The following SERPINE3 variants were observed in gnomAD, a reference collection of about 807,000 sequenced individuals.
SERPINE3 encodes serpin family E member 3, also known as serpin E3.
SERPINE3 carries 43 observed loss-of-function variants against 41.7 expected under a neutral mutation model. That is an observed-to-expected ratio of 1.03 (90% CI 0.81 to 1.33). The LOEUF (loss-of-function observed/expected upper bound fraction) is 1.33. Among genes scored for constraint, SERPINE3 ranks in the 40% most tolerant of loss-of-function variants. The pLI is 0.00. For missense variants in SERPINE3, 440 were observed against 491.7 expected (o/e 0.89, Z 0.99); for synonymous variants, 200 against 192.2 (o/e 1.04, Z -0.34).
At chr13:51,357,673 C>G (rs151183359) in intron 7 of SERPINE3, among the ~76,000 whole-genome samples, 9 of 152,112 alleles carry the variant, frequency 5.9e-5, no homozygotes, top group Admixed American at 1.3e-4. Context: ...TAGTTCCCCC[C>G]CAGTCTCCTT....
Position 51,344,364 on chromosome 13 carries a change from GTC to G in SERPINE3, c.370_371del (p.Ser124ProfsTer12). 6.2e-7 allele frequency: 1 copy of G among 1,613,690 alleles called. No individual in the cohort carries two copies. The highest frequency in any genetic ancestry group is 8.5e-7 in the Non-Finnish European group (1 of 1,179,758). The part of the protein sequence containing the change: ...SLFVQVGTPL[S>X]PCFVEHVSWW... ...TTTTTGTGCAAGTGGGAACGCCACTGTCCCCCTGCTTTGTGGAGCACGTCTCC... is the reference window on the plus strand; with the variant it reads ...TTTTTGTGCAAGTGGGAACGCCACTGCCCCTGCTTTGTGGAGCACGTCTCC... On this transcript the variant is annotated frameshift_variant, in exon 4 of 10. Transcript: ENST00000681248. LOFTEE classifies it high-confidence loss of function.
Position 51,364,491 on chromosome 13 carries a change from T to G in SERPINE3, c.*209T>G. The G allele has an allele frequency of 2.2e-6, 1 of 459,876 alleles. No homozygotes were observed. Among genetic ancestry groups the G allele is most frequent in the Non-Finnish European group, 3.8e-6 (1 of 260,608 alleles). The allele number at this position is 459,876 out of a possible 1,614,324, so 28.5% of individuals were successfully genotyped here. A position where few individuals can be genotyped will look rare whatever the true frequency, so the allele number is the denominator to read the frequency against. On this transcript the variant is annotated 3_prime_UTR_variant, in exon 10 of 10. Coordinates refer to ENST00000681248, the MANE Select transcript of SERPINE3 (RefSeq NM_001386375.1). ...AATCCAAATCTATTTTGACCTTCTTTTCTACTGCTTACCCCCCAAACCACT... is the reference window on the plus strand; with the variant it reads ...AATCCAAATCTATTTTGACCTTCTTGTCTACTGCTTACCCCCCAAACCACT...
intron 2 of SERPINE3, 57 bp downstream of exon 2, chr13:51,340,918 G>A: frequency 1.5e-6 from 1 of 651,556 alleles, no homozygotes; most frequent in Non-Finnish European, 2.6e-6. Context: ...AGACGGCTGG[G>A]CCTCAGGGTA....
At chr13:51,341,739 G>T (rs973538066) in intron 3 of SERPINE3, among the ~76,000 whole-genome samples, 4 of 152,128 alleles carry the variant, frequency 2.6e-5, no homozygotes, top group African/African-American at 9.7e-5. Flanking sequence ...AACATTAATT[G>T]AATTAATTGT....
chr13:51,363,859 G>GA (rs1305057879), intron 9 of SERPINE3: 1 of 155,022 alleles, frequency 6.5e-6, no homozygotes, highest in East Asian at 1.9e-4. Context: ...GGTTCATTCA[G>GA]AAAAATGTAT....
chr13:51,349,338 T>A (rs1955383438), intron 6 of SERPINE3, among the ~76,000 whole-genome samples: 1 of 152,160 alleles, frequency 6.6e-6, no homozygotes, highest in African/African-American at 2.4e-5. Flanking sequence ...TAAAGTGAGA[T>A]CTGGCATAAC....
At position 51,347,221 on chromosome 13, in the gene SERPINE3, C is replaced by T. The variant is rs777522693; in HGVS notation, c.687C>T (p.Thr229=). ...VLQVPMMHQT[T]EVNYGQFQDT... ...AGGTCCCCATGATGCACCAAACGAC[C>T]GAGGTCAACTACGGTGAGCTCTGCC... Residue 229 remains threonine, a synonymous_variant, in exon 5 of 10, where the codon ACC becomes ACT. Transcript: ENST00000681248. The T allele has an allele frequency of 1.2e-5, 19 of 1,613,618 alleles. No homozygotes were observed. The highest frequency in any genetic ancestry group is 2.7e-5 in the African/African-American group (2 of 75,030).
intron 5 of SERPINE3, 32 bp from the exon 6 acceptor site, chr13:51,348,181 C>T: frequency 1.3e-6 from 2 of 1,515,872 alleles, no homozygotes; most frequent in South Asian, 1.2e-5. Context: ...GCTCCTGGGA[C>T]AGAGCTGACC....
Position 51,348,313 on chromosome 13 carries a change from C to T in SERPINE3, c.801C>T (p.Asp267=). 1.2e-6 allele frequency: 2 copies of T among 1,613,664 alleles called. No individual in the cohort carries two copies. Among genetic ancestry groups the T allele is most frequent in the Non-Finnish European group, 1.7e-6 (2 of 1,179,780 alleles). The change falls in exon 6 of 10, where the codon GAC becomes GAT. Residue 267 remains aspartate, a synonymous_variant. Transcript: ENST00000681248. The part of the protein sequence containing the change: ...SLFLVLPRDK[D]TPLSHIEPHL... ...TCCTGGTGCTGCCCCGTGACAAAGA[C>T]ACCCCCCTGAGCCACATCGAGCCAC...
chr13:51,350,108 G>T (rs1041953803), intron 6 of SERPINE3, among the ~76,000 whole-genome samples: 1 of 152,136 alleles, frequency 6.6e-6, no homozygotes, highest in Non-Finnish European at 1.5e-5. Flanking sequence ...TTGCTCTGCA[G>T]TCAGCAGGCA....
At chr13:51,363,899 A>G (rs538528639) in intron 9 of SERPINE3, 14 of 167,646 alleles carry the variant, frequency 8.4e-5, no homozygotes, top group Non-Finnish European at 1.8e-4. Context: ...GTGAAACAGA[A>G]AATAAAACTT....
chr13:51,361,518 A>C, intron 8 of SERPINE3, 154 bp downstream of exon 8: 1 of 613,460 alleles, frequency 1.6e-6, no homozygotes, highest in Non-Finnish European at 2.8e-6. Context: ...GAAAACAAAA[A>C]GTTTTTGAAA....
intron 7 of SERPINE3, among the ~76,000 whole-genome samples, chr13:51,357,288 C>G (rs1955494767): frequency 6.6e-6 from 1 of 152,172 alleles, no homozygotes; most frequent in Admixed American, 6.6e-5. Context: ...CAAATCTCTC[C>G]AACAAATAGT....
chr13:51,350,366 GTGTTAAGGGTTGT>G (rs1955392705), intron 6 of SERPINE3, among the ~76,000 whole-genome samples: 1 of 152,134 alleles, frequency 6.6e-6, no homozygotes, highest in East Asian at 1.9e-4. Context: ...AACCAAGAAT[GTGTTAAGGGTTGT>G]TTATAACCAC....
Position 51,361,791 on chromosome 13 carries a change from TTTTC to T in SERPINE3, c.1088-10_1088-7del, listed in dbSNP as rs1955582119. On this transcript the variant is annotated splice_polypyrimidine_tract_variant and intron_variant, in intron 8 of 9. Coordinates refer to ENST00000681248, the MANE Select transcript of SERPINE3 (RefSeq NM_001386375.1). ...AAATGCACAGAAAATGCAATGGAAT[TTTTC>T]TTTCTTTCCTGCAGCTCTGTTGTTA... is the stretch of plus-strand genomic sequence containing the variant. 4 of 1,567,526 alleles carry T rather than the reference TTTTC, an allele frequency of 2.6e-6. No individual in the cohort carries two copies. The highest frequency in any genetic ancestry group is 2.6e-6 in the Non-Finnish European group (3 of 1,161,976).
Position 51,364,238 on chromosome 13 carries a change from G to C in SERPINE3, c.1172-1G>C. On this transcript the variant is annotated splice_acceptor_variant, in intron 9 of 9. Transcript: ENST00000681248. LOFTEE classifies it high-confidence loss of function. Reference sequence around the variant, plus strand: ...TATTAAATTCTTCTTTTTCTTGACAGGGTTTGTCTTCAGTATTGGGAGAGT... The same window carrying C: ...TATTAAATTCTTCTTTTTCTTGACACGGTTTGTCTTCAGTATTGGGAGAGT... 1 of 1,429,048 alleles carries C rather than the reference G, an allele frequency of 7.0e-7. No homozygotes were observed. Among genetic ancestry groups the C allele is most frequent in the African/African-American group, 1.4e-5 (1 of 70,226 alleles). The allele number at this position is 1,429,048 out of a possible 1,614,324, so 88.5% of individuals were successfully genotyped here. A position where few individuals can be genotyped will look rare whatever the true frequency, so the allele number is the denominator to read the frequency against.
At position 51,341,885 on chromosome 13, in the gene SERPINE3, C is replaced by A. The variant is rs138121085; in HGVS notation, c.256+538C>A. Reference sequence around the variant, plus strand: ...GACAGAGTTGGGACTCAAGCCCAGGCTGCCTGGTTTAAGAGCCCATGCTTT... The same window carrying A: ...GACAGAGTTGGGACTCAAGCCCAGGATGCCTGGTTTAAGAGCCCATGCTTT... On this transcript the variant is annotated intron_variant, in intron 3 of 9. Transcript: ENST00000681248. 1.0e-3 allele frequency among the ~76,000 whole-genome samples: 154 copies of A among 152,332 alleles called. No homozygotes were observed. In the East Asian group the frequency reaches 0.022, roughly 22 times the overall value.
intron 3 of SERPINE3, among the ~76,000 whole-genome samples, chr13:51,343,432 T>A (rs1345537071): frequency 1.3e-5 from 2 of 152,198 alleles, no homozygotes; most frequent in African/African-American, 4.8e-5. Flanking sequence ...GGACAGAAGC[T>A]GCAGCTTGTG....
chr13:51,347,564 C>T (rs1955360044), intron 5 of SERPINE3, among the ~76,000 whole-genome samples: 1 of 152,180 alleles, frequency 6.6e-6, no homozygotes, highest in Non-Finnish European at 1.5e-5. Flanking sequence ...ATGGCTGCTC[C>T]TTTAAGATCG....
Sources: allele counts gnomAD v4.1 joint callset (sites outside exome capture counted in the v4.1 genomes callset), GRCh38; gene constraint gnomAD v4.1.1; transcripts MANE v1.5; gene names NCBI Gene and HGNC (gene_info 2026-07-23, HGNC 2026-07-21).